The following BMP6 variants were observed in gnomAD, a reference collection of about 807,000 sequenced individuals.
BMP6 encodes VG-1-R.
Under a neutral mutation model 54.1 loss-of-function variants are expected in BMP6, and 17 were observed. That is an observed-to-expected ratio of 0.31 (90% CI 0.22 to 0.47). The LOEUF (loss-of-function observed/expected upper bound fraction) is 0.47, where lower values mean the gene tolerates loss of function less well. BMP6 is among the 20% of genes least tolerant of loss of function. BMP6 has a pLI of 1.00. For missense variants in BMP6, 720 were observed against 690.4 expected (o/e 1.04, Z -0.48); for synonymous variants, 328 against 291.2 (o/e 1.13, Z -1.28).
intron 1 of BMP6, among the ~76,000 whole-genome samples, chr6:7,754,755 T>A (rs1288329232): frequency 2.6e-5 from 4 of 152,240 alleles, no homozygotes; most frequent in Non-Finnish European, 1.5e-5. Context: ...TCTCGCTCTA[T>A]TGCCCAGGCT....
intron 1 of BMP6, among the ~76,000 whole-genome samples, chr6:7,747,831 A>T (rs1342005844): frequency 6.7e-6 from 1 of 150,184 alleles, no homozygotes; most frequent in African/African-American, 2.5e-5. Context: ...TTTTTTGTAG[A>T]GATGGGGTTT....
intron 1 of BMP6, among the ~76,000 whole-genome samples, chr6:7,733,873 TC>T: frequency 6.6e-6 from 1 of 152,278 alleles, no homozygotes; most frequent in East Asian, 1.9e-4. Context: ...CATCACCACT[TC>T]GGTGAAAATT....
Position 7,864,821 on chromosome 6 carries a change from T to G in BMP6, c.1204+2323T>G, listed in dbSNP as rs1307522268. On this transcript the variant is annotated intron_variant, in intron 4 of 6. Transcript: ENST00000283147. ...TGGGGTTTTTGAAAAAGAGAAGAAA[T>G]GCTTGCTTTCCTTTATTCACTTCAG... Among the ~76,000 whole-genome samples the G allele has an allele frequency of 5.9e-5, 9 of 152,182 alleles. No homozygotes were observed. The South Asian group carries it at 6.2e-4, about 11-fold the overall frequency.
rs773826264 is a variant in BMP6, at chr6:7,737,159, C to G, written c.664+9540C>G. On this transcript the variant is annotated intron_variant, in intron 1 of 6. Transcript: ENST00000283147. ...CAGGACTGCACCACTGCACTCCAGCCGGAGTGACAAAGCGAGACTCCATCT... is the reference window on the plus strand; with the variant it reads ...CAGGACTGCACCACTGCACTCCAGCGGGAGTGACAAAGCGAGACTCCATCT... Among the ~76,000 whole-genome samples the G allele has an allele frequency of 9.6e-4, 145 of 151,462 alleles. 1 individual carries two copies. The highest frequency in any genetic ancestry group is 2.0e-3 in the Non-Finnish European group (133 of 67,856).
chr6:7,800,688 G>T (rs1277853744), intron 1 of BMP6, among the ~76,000 whole-genome samples: 2 of 151,886 alleles, frequency 1.3e-5, no homozygotes, highest in Non-Finnish European at 2.9e-5. Flanking sequence ...GTTATCCTGG[G>T]GTTCCTTTTA....
intron 1 of BMP6, among the ~76,000 whole-genome samples, chr6:7,728,475 T>A (rs1245578619): frequency 3.9e-5 from 6 of 152,190 alleles, no homozygotes; most frequent in Non-Finnish European, 7.3e-5. Flanking sequence ...AAATGTTCTG[T>A]GGCAAACCCG....
chr6:7,790,683 TGGC>T (rs1164234096), intron 1 of BMP6, among the ~76,000 whole-genome samples: 1 of 152,194 alleles, frequency 6.6e-6, no homozygotes, highest in East Asian at 1.9e-4. Flanking sequence ...TTGATGGTGT[TGGC>T]AGAGTTTGTC....
At position 7,758,969 on chromosome 6, in the gene BMP6, A is replaced by C. The variant is rs1388948648; in HGVS notation, c.664+31350A>C. ...GTCTATTTACTCATCTGTGCTGCCC[A>C]CTAGACCAAGAGCTCCTAAGAGCAG... On this transcript the variant is annotated intron_variant, in intron 1 of 6. Coordinates refer to ENST00000283147, the MANE Select transcript of BMP6 (RefSeq NM_001718.6). 2.6e-5 allele frequency among the ~76,000 whole-genome samples: 4 copies of C among 152,348 alleles called. No homozygotes were observed. In the South Asian group the frequency reaches 8.3e-4, roughly 32 times the overall value.
intron 2 of BMP6, among the ~76,000 whole-genome samples, chr6:7,858,039 ACT>A (rs2113272232): frequency 6.6e-6 from 1 of 151,976 alleles, no homozygotes; most frequent in Admixed American, 6.6e-5. Context: ...TCCTGCACGC[ACT>A]CTCATACCTA....
chr6:7,860,030 T>C (rs1004952848), intron 2 of BMP6, among the ~76,000 whole-genome samples: 9 of 152,202 alleles, frequency 5.9e-5, no homozygotes, highest in Admixed American at 3.3e-4. Context: ...AGGTCGTCTT[T>C]GGTAATCATC....
At chr6:7,793,225 G>A (rs571232652) in intron 1 of BMP6, among the ~76,000 whole-genome samples, 3 of 152,142 alleles carry the variant, frequency 2.0e-5, no homozygotes, top group South Asian at 2.1e-4. Flanking sequence ...AAGCTACAGA[G>A]GAATATAGAG....
In BMP6 at chr6:7,727,233, C is replaced by T. The variant is rs759757384; in HGVS notation, c.278C>T (p.Pro93Leu). Residue 93 changes from proline (P) to leucine (L), a missense_variant, in exon 1 of 7, where the codon CCC becomes CTC. This residue lies in a region of BMP6 where 650 missense variants were observed against 556.3 expected (regional missense o/e 1.17). Coordinates refer to ENST00000283147, the MANE Select transcript of BMP6 (RefSeq NM_001718.6). Reference protein sequence around the residue: ...ILSVLGLPHRPRPLHGLQQPQ... With the variant: ...ILSVLGLPHRLRPLHGLQQPQ... ...TCGGTGCTGGGGCTCCCGCACCGGC[C>T]CCGGCCCCTGCACGGCCTCCAACAG... 8 of 1,606,314 alleles carry T rather than the reference C, an allele frequency of 5.0e-6. No individual in the cohort carries two copies. The highest frequency in any genetic ancestry group is 1.1e-5 in the South Asian group (1 of 90,560).
intron 1 of BMP6, among the ~76,000 whole-genome samples, chr6:7,843,061 C>T (rs1169955274): frequency 6.6e-6 from 1 of 152,120 alleles, no homozygotes; most frequent in Non-Finnish European, 1.5e-5. Context: ...AAAGGCAGAT[C>T]GGTTTTAGGG....
At chr6:7,814,684 G>A (rs1326405326) in intron 1 of BMP6, among the ~76,000 whole-genome samples, 1 of 152,140 alleles carries the variant, frequency 6.6e-6, no homozygotes, top group Non-Finnish European at 1.5e-5. Context: ...ACCAGTTCCT[G>A]TTCTGTCCCT....
chr6:7,738,165 T>TCCTGTTAATGCCCTGACAAGGC (rs1340189433), intron 1 of BMP6, among the ~76,000 whole-genome samples: 1 of 152,208 alleles, frequency 6.6e-6, no homozygotes, highest in African/African-American at 2.4e-5. Context: ...CAAATCTTTC[T>TCCTGTTAATGCCCTGACAAGGC]CCTGTTAATG....
chr6:7,751,467 A>G (rs978407807), intron 1 of BMP6, among the ~76,000 whole-genome samples: 1 of 152,200 alleles, frequency 6.6e-6, no homozygotes, highest in Non-Finnish European at 1.5e-5. Flanking sequence ...CCACTAGCCC[A>G]TGCACCTGAA....
chr6:7,869,833 C>T (rs566052846), intron 4 of BMP6, among the ~76,000 whole-genome samples: 2 of 152,218 alleles, frequency 1.3e-5, no homozygotes, highest in South Asian at 2.1e-4. Flanking sequence ...CTCAGCAGAG[C>T]CTGTGTGGAA....
intron 1 of BMP6, among the ~76,000 whole-genome samples, chr6:7,747,145 AGAT>A (rs1757360463): frequency 1.3e-5 from 2 of 152,188 alleles, no homozygotes; most frequent in South Asian, 4.1e-4. Context: ...TGCGTATGGG[AGAT>A]GATTTAGAGA....
At chr6:7,855,115 C>A (rs1356009942) in intron 2 of BMP6, among the ~76,000 whole-genome samples, 3 of 152,208 alleles carry the variant, frequency 2.0e-5, no homozygotes, top group African/African-American at 7.2e-5. Context: ...ACTTGTGGAG[C>A]AGCCTACATT....
Sources: gnomAD v4.1 joint callset for allele counts (sites outside exome capture counted in the v4.1 genomes callset) on GRCh38, gnomAD v4.1.1 for gene constraint, gnomAD v4.1.1 regional missense constraint, MANE v1.5 for transcripts, NCBI Gene and HGNC (gene_info 2026-07-23, HGNC 2026-07-21) for gene names.